The following CADM1 variants were observed in gnomAD, a reference collection of about 807,000 sequenced individuals.
CADM1 encodes TSLC-1.
CADM1 carries 15 observed loss-of-function variants against 53.1 expected under a neutral mutation model. The ratio of observed to expected loss-of-function variants is 0.28; its 90% confidence interval spans 0.19 to 0.44. The LOEUF is 0.44. CADM1 is among the 20% of genes least tolerant of loss of function. The pLI is 1.00. For missense variants in CADM1, 434 were observed against 611.3 expected (o/e 0.71, Z 3.06); for synonymous variants, 281 against 243.0 (o/e 1.16, Z -1.45).
chr11:115,403,224 T>A (rs1277814181), intron 1 of CADM1, among the ~76,000 whole-genome samples: 1 of 152,090 alleles, frequency 6.6e-6, no homozygotes, highest in Non-Finnish European at 1.5e-5. Flanking sequence ...AAATCCAAAC[T>A]GAGGGACATT....
intron 1 of CADM1, among the ~76,000 whole-genome samples, chr11:115,410,409 C>T (rs45559131): frequency 2.0e-4 from 31 of 152,140 alleles, no homozygotes; most frequent in Non-Finnish European, 4.1e-4. Context: ...TAATGTTGTA[C>T]CCTTGCCATT....
intron 1 of CADM1, among the ~76,000 whole-genome samples, chr11:115,398,042 C>T (rs1290376739): frequency 1.3e-5 from 2 of 152,098 alleles, no homozygotes; most frequent in Non-Finnish European, 2.9e-5. Context: ...ATGACAAGAA[C>T]GAAATCTTAA....
At chr11:115,366,959 T>C (rs1198299277) in intron 1 of CADM1, among the ~76,000 whole-genome samples, 1 of 152,246 alleles carries the variant, frequency 6.6e-6, no homozygotes, top group Admixed American at 6.5e-5. Context: ...CCTTTGAGTG[T>C]CCTAACATCT....
chr11:115,425,233 A>C (rs1287650589), intron 1 of CADM1, among the ~76,000 whole-genome samples: 2 of 152,224 alleles, frequency 1.3e-5, no homozygotes, highest in Non-Finnish European at 2.9e-5. Flanking sequence ...GATAATATAA[A>C]TCAAACTCTA....
At chr11:115,413,220 TTA>T (rs1947501192) in intron 1 of CADM1, among the ~76,000 whole-genome samples, 1 of 152,216 alleles carries the variant, frequency 6.6e-6, no homozygotes, top group South Asian at 2.1e-4. Context: ...AAAAATATTA[TTA>T]GTTTTTTATA....
chr11:115,451,125 T>C (rs1354516166), intron 1 of CADM1, among the ~76,000 whole-genome samples: 2 of 152,214 alleles, frequency 1.3e-5, no homozygotes, highest in Non-Finnish European at 2.9e-5. Context: ...TACACACATA[T>C]GCTAGAGCAA....
chr11:115,213,231 C>T (rs1471959723), intron 7 of CADM1, among the ~76,000 whole-genome samples: 3 of 152,162 alleles, frequency 2.0e-5, no homozygotes, highest in East Asian at 1.9e-4. Flanking sequence ...TTTTCACCCC[C>T]GCCGAGCAGT....
intron 1 of CADM1, among the ~76,000 whole-genome samples, chr11:115,409,401 C>A (rs1156581617): frequency 1.3e-5 from 2 of 152,038 alleles, no homozygotes; most frequent in African/African-American, 4.8e-5. Flanking sequence ...CCTTATTTTT[C>A]GTTTTTTTTG....
chr11:115,471,816 G>C (rs1208511796), intron 1 of CADM1, among the ~76,000 whole-genome samples: 1 of 152,170 alleles, frequency 6.6e-6, no homozygotes, highest in Non-Finnish European at 1.5e-5. Context: ...CAGAGATAGT[G>C]GGGGAGAAGG....
chr11:115,189,874 A>G (rs1185412949), intron 10 of CADM1, among the ~76,000 whole-genome samples: 2 of 152,246 alleles, frequency 1.3e-5, no homozygotes, highest in Non-Finnish European at 2.9e-5. Flanking sequence ...CAGCAAAGTG[A>G]AGATATCCCT....
intron 1 of CADM1, among the ~76,000 whole-genome samples, chr11:115,308,211 T>TATATATATATATATATATAC (rs139012671): frequency 1.4e-5 from 2 of 139,422 alleles, no homozygotes; most frequent in African/African-American, 5.4e-5. Flanking sequence ...TATATATATA[T>TATATATATATATATATATAC]ACACACCTAT....
intron 3 of CADM1, among the ~76,000 whole-genome samples, chr11:115,235,676 A>G (rs1325687813): frequency 6.6e-6 from 1 of 152,212 alleles, no homozygotes; most frequent in Admixed American, 6.5e-5. Flanking sequence ...ACAAAAGAGG[A>G]GTCTTAAAGC....
intron 1 of CADM1, among the ~76,000 whole-genome samples, chr11:115,259,382 C>A (rs7104828): frequency 6.9e-6 from 1 of 145,774 alleles, no homozygotes; most frequent in African/African-American, 2.6e-5. Flanking sequence ...CTCGGCTCAC[C>A]GCAACCTCTG....
intron 1 of CADM1, among the ~76,000 whole-genome samples, chr11:115,478,448 T>G (rs1949185334): frequency 6.6e-6 from 1 of 152,240 alleles, no homozygotes; most frequent in Admixed American, 6.5e-5. Context: ...CTCTTTAAAC[T>G]CCTATGTATC....
chr11:115,256,609 C>G (rs1942796820), intron 1 of CADM1, among the ~76,000 whole-genome samples: 1 of 152,166 alleles, frequency 6.6e-6, no homozygotes, highest in African/African-American at 2.4e-5. Context: ...TCCTATCACT[C>G]TGAAAATTTA....
At chr11:115,377,737 T>A (rs1946475844) in intron 1 of CADM1, 1 of 152,182 alleles carries the variant, frequency 6.6e-6, no homozygotes, top group Non-Finnish European at 1.5e-5. Context: ...ACTTTATAGA[T>A]AAGAATATGT....
chr11:115,480,675 G>T (rs565032340), intron 1 of CADM1, among the ~76,000 whole-genome samples: 1 of 152,114 alleles, frequency 6.6e-6, no homozygotes, highest in African/African-American at 2.4e-5. Flanking sequence ...AGCCTCAGCT[G>T]GTTGCTTCCT....
chr11:115,312,099 T>C (rs1270780801), intron 1 of CADM1, among the ~76,000 whole-genome samples: 1 of 152,074 alleles, frequency 6.6e-6, no homozygotes, highest in Non-Finnish European at 1.5e-5. Context: ...AAGAGAGAAA[T>C]GTAAACAGAG....
chr11:115,376,176 T>C (rs1313457383), intron 1 of CADM1, among the ~76,000 whole-genome samples: 1 of 152,174 alleles, frequency 6.6e-6, no homozygotes, highest in Non-Finnish European at 1.5e-5. Context: ...CTTAATCTTT[T>C]TGTGCTTCAG....
Sources: allele counts gnomAD v4.1 joint callset (sites outside exome capture counted in the v4.1 genomes callset), GRCh38; gene constraint gnomAD v4.1.1; transcripts MANE v1.5; gene names NCBI Gene and HGNC (gene_info 2026-07-23, HGNC 2026-07-21).